The following PDS5A variants were observed in gnomAD, a reference collection of about 807,000 sequenced individuals.
The protein encoded by PDS5A is PDS5 cohesin associated factor A.
A neutral mutation model predicts 167.1 loss-of-function variants in PDS5A; 42 were observed. The ratio of observed to expected loss-of-function variants is 0.25; its 90% CI spans 0.20 to 0.33. PDS5A has a LOEUF of 0.33. PDS5A is among the 10% of genes least tolerant of loss of function. The pLI is 1.00. For synonymous variants in PDS5A, 553 were observed against 554.6 expected, an observed-to-expected ratio of 1.00 and a Z score of 0.04; for missense variants, 1,033 against 1,605.9, an observed-to-expected ratio of 0.64 and a Z score of 6.10.
chr4:39,890,261 G>A lies in PDS5A; in HGVS notation c.1874C>T (p.Ser625Leu). 1 of 1,533,778 alleles carries A rather than the reference G, an allele frequency of 6.5e-7. No individual in the cohort carries two copies. Among genetic ancestry groups the A allele is most frequent in the Non-Finnish European group, 8.9e-7 (1 of 1,124,196 alleles). ...LERIAPVHID[S>L]EAISALVKLM... ...CTTCTTGGCTTACCTTATGGCTTCTGAATCAATGTGCACAGGTGCGATTCT... is the reference window on the plus strand; with the variant it reads ...CTTCTTGGCTTACCTTATGGCTTCTAAATCAATGTGCACAGGTGCGATTCT... Residue 625 changes from serine to leucine, a missense_variant, in exon 17 of 33, where the codon TCA (serine) becomes TTA (leucine). By Grantham distance (145) the Ser-to-Leu change is moderately radical. Around this residue, in one of 4 missense-constraint regions of PDS5A, gnomAD observed 367 missense variants for 686.7 expected, o/e 0.53. Coordinates refer to ENST00000303538, the MANE Select transcript of PDS5A (RefSeq NM_001100399.2).
intron 17 of PDS5A, among the ~76,000 whole-genome samples, chr4:39,888,690 C>CAA (rs3070900): frequency 3.3e-5 from 5 of 149,332 alleles, no homozygotes; most frequent in Non-Finnish European, 7.4e-5. Flanking sequence ...CCAAGAACAA[C>CAA]AAAAAAAAAA....
rs142602057 is a variant in PDS5A at position 39,849,341 on chromosome 4, A to C, written c.3219+179T>G. Among the ~76,000 whole-genome samples the C allele has an allele frequency of 4.6e-5, 7 of 151,044 alleles. No homozygotes were observed. The East Asian group carries it at 1.2e-3, about 25-fold the overall frequency. ...ATAATGTCTTTTCAGAGTACTAAAG[A>C]TTCCTGAAATAAAATTCACTTGTAA... On this transcript the variant is annotated intron_variant, in intron 27 of 32. Transcript: ENST00000303538.
intron 26 of PDS5A, among the ~76,000 whole-genome samples, chr4:39,860,448 G>A (rs774281385): frequency 5.3e-5 from 8 of 149,686 alleles, no homozygotes; most frequent in African/African-American, 9.9e-5. Context: ...CAGGGCAACA[G>A]AGTAAGACAC....
chr4:39,844,960 C>A (rs1361001613), intron 29 of PDS5A, among the ~76,000 whole-genome samples, 159 bp from the exon 30 acceptor site: 1 of 152,100 alleles, frequency 6.6e-6, no homozygotes, highest in Non-Finnish European at 1.5e-5. Context: ...CTCCTGACTG[C>A]AAATCCCAGC....
At chr4:39,838,334 C>T (rs568039178) in intron 31 of PDS5A, 126 bp from the exon 32 acceptor site, 713 of 684,074 alleles carry the variant, frequency 1.0e-3, no homozygotes, top group Admixed American at 2.1e-3. Flanking sequence ...TAACTGCTTA[C>T]ATCACATTAG....
intron 26 of PDS5A, among the ~76,000 whole-genome samples, chr4:39,850,097 C>T (rs1407944947): frequency 6.6e-6 from 1 of 151,770 alleles, no homozygotes; most frequent in Non-Finnish European, 1.5e-5. Flanking sequence ...ATGGTGAAAC[C>T]CCGTCTCTAC....
intron 2 of PDS5A, among the ~76,000 whole-genome samples, chr4:39,940,567 G>C (rs961433243): frequency 2.6e-5 from 4 of 152,232 alleles, no homozygotes; most frequent in Non-Finnish European, 5.9e-5. Context: ...TTTAGATAAT[G>C]TAGGGGCTTC....
intron 8 of PDS5A, 134 bp downstream of exon 8, chr4:39,916,914 C>G: frequency 2.1e-6 from 1 of 476,874 alleles, no homozygotes; most frequent in Non-Finnish European, 3.7e-6. Flanking sequence ...TATTCTTCTA[C>G]AGTTACAGAA....
chr4:39,842,410 A>G (rs1216386646), intron 30 of PDS5A, among the ~76,000 whole-genome samples: 7 of 152,204 alleles, frequency 4.6e-5, no homozygotes, highest in Admixed American at 3.3e-4. Context: ...ACTACAGACC[A>G]TAGTATAGTT....
intron 6 of PDS5A, among the ~76,000 whole-genome samples, chr4:39,920,815 C>T (rs188439578): frequency 1.1e-4 from 16 of 152,306 alleles, no homozygotes; most frequent in African/African-American, 3.8e-4. Context: ...TCAATGCGTG[C>T]TCTGGAGAAG....
intron 32 of PDS5A, among the ~76,000 whole-genome samples, chr4:39,835,510 T>C (rs1716303766): frequency 6.6e-6 from 1 of 152,164 alleles, no homozygotes; most frequent in African/African-American, 2.4e-5. Context: ...GGTTCCAGCA[T>C]GTATCCGTTT....
chr4:39,849,965 T>C (rs1578602182), intron 26 of PDS5A, among the ~76,000 whole-genome samples: 1 of 152,018 alleles, frequency 6.6e-6, no homozygotes, highest in South Asian at 2.1e-4. Context: ...CTAAGGTGGG[T>C]AGATTGCCTG....
At chr4:39,901,139 CTT>C (rs1278275834) in intron 13 of PDS5A, among the ~76,000 whole-genome samples, 2 of 152,042 alleles carry the variant, frequency 1.3e-5, no homozygotes, top group Non-Finnish European at 2.9e-5. Context: ...TCTAAACACT[CTT>C]TGTCAGATAT....
At chr4:39,912,478 T>C (rs1387407791) in intron 9 of PDS5A, among the ~76,000 whole-genome samples, 2 of 152,244 alleles carry the variant, frequency 1.3e-5, no homozygotes, top group Non-Finnish European at 2.9e-5. Context: ...TTCAACTATT[T>C]AGCATTTATT....
intron 32 of PDS5A, among the ~76,000 whole-genome samples, chr4:39,832,715 C>T (rs1716018284): frequency 6.6e-6 from 1 of 152,038 alleles, no homozygotes. Context: ...ATTAGCCAGC[C>T]ATGGTGGTGC....
intron 2 of PDS5A, among the ~76,000 whole-genome samples, chr4:39,929,519 C>CTCTCTA (rs1346928018): frequency 1.3e-5 from 1 of 79,398 alleles, no homozygotes; most frequent in Non-Finnish European, 2.2e-5. Flanking sequence ...ACTTAATAAA[C>CTCTCTA]TATATATATA....
At chr4:39,976,930 G>A (rs1218670295) in intron 1 of PDS5A, among the ~76,000 whole-genome samples, 1 of 152,092 alleles carries the variant, frequency 6.6e-6, no homozygotes, top group African/African-American at 2.4e-5. Context: ...GCGGCCCCGG[G>A]AGGCCGGCAA....
At chr4:39,930,246 A>AAAAAAAAAAAAAAAATTTTTTTTT in intron 2 of PDS5A, among the ~76,000 whole-genome samples, 6 of 93,088 alleles carry the variant, frequency 6.4e-5, no homozygotes, top group South Asian at 4.4e-4. Context: ...AAAAAAAAAA[A>AAAAAAAAAAAAAAAATTTTTTTTT]GTTTTTTTGT....
At chr4:39,878,578 C>A (rs943049466) in intron 18 of PDS5A, among the ~76,000 whole-genome samples, 1 of 152,028 alleles carries the variant, frequency 6.6e-6, no homozygotes, top group South Asian at 2.1e-4. Flanking sequence ...GCCTGGGCAA[C>A]AGAGCAAGAC....
Sources: allele counts gnomAD v4.1 joint callset (sites outside exome capture counted in the v4.1 genomes callset), GRCh38; gene constraint gnomAD v4.1.1; regional missense constraint gnomAD v4.1.1; transcripts MANE v1.5; gene names NCBI Gene and HGNC (gene_info 2026-07-23, HGNC 2026-07-21).